Variants in ARAP2 observed in about 807,000 individuals in gnomAD.
ARAP2 encodes the protein arf-GAP with Rho-GAP domain, ANK repeat and PH domain-containing protein 2.
A neutral mutation model predicts 194.5 loss-of-function variants in ARAP2; 148 were observed. The ratio of observed to expected loss-of-function variants is 0.76; its 90% confidence interval spans 0.67 to 0.87. The LOEUF (loss-of-function observed/expected upper bound fraction) is 0.87. Among genes scored for constraint, ARAP2 ranks in the 40% least tolerant of loss-of-function variants. The pLI, the probability that ARAP2 is intolerant of heterozygous loss-of-function variation, is 0.00. For missense variants in ARAP2, 2,128 were observed against 1,989.7 expected (o/e 1.07, Z -1.32); for synonymous variants, 695 against 683.5 (o/e 1.02, Z -0.26).
At chr4:36,100,889 T>G (rs1716714427) in intron 27 of ARAP2, among the ~76,000 whole-genome samples, 1 of 152,002 alleles carries the variant, frequency 6.6e-6, no homozygotes, top group South Asian at 2.1e-4. Context: ...ATAAGCCAAG[T>G]ATGCCCCCTT....
chr4:36,054,252 C>A (rs1723139087), intron 2 of ARAP2, among the ~76,000 whole-genome samples: 1 of 152,246 alleles, frequency 6.6e-6, no homozygotes, highest in Middle Eastern at 3.4e-3. Flanking sequence ...TTTATACCCC[C>A]AAAGTTTTCT....
At chr4:36,061,186 C>A (rs1724373770), downstream of ARAP2, among the ~76,000 whole-genome samples, 1 of 152,080 alleles carries the variant, frequency 6.6e-6, no homozygotes, top group African/African-American at 2.4e-5. Context: ...GGTTATCCAT[C>A]CCCTCAAGTA....
intron 9 of ARAP2, among the ~76,000 whole-genome samples, chr4:36,011,458 G>T (rs2109309988): frequency 6.6e-6 from 1 of 152,274 alleles, no homozygotes; most frequent in East Asian, 1.9e-4. Context: ...AAATTCTACA[G>T]TAGACAAAGT....
At chr4:36,227,185 C>A (rs577018037) in intron 2 of ARAP2, among the ~76,000 whole-genome samples, 1 of 152,198 alleles carries the variant, frequency 6.6e-6, no homozygotes, top group East Asian at 1.9e-4. Flanking sequence ...GAAATTAACC[C>A]AAGGCTCAGT....
At chr4:36,193,131 T>C (rs1031924869) in intron 7 of ARAP2, among the ~76,000 whole-genome samples, 4 of 152,252 alleles carry the variant, frequency 2.6e-5, no homozygotes, top group Admixed American at 2.0e-4. Context: ...CACCTCTCTA[T>C]ATCTTCCATT....
intron 27 of ARAP2, among the ~76,000 whole-genome samples, chr4:36,099,301 C>T (rs1339632236): frequency 1.3e-5 from 2 of 152,030 alleles, no homozygotes; most frequent in African/African-American, 2.4e-5. Context: ...TCCAGTCTAT[C>T]GTTGATGAGT....
chr4:36,133,571 G>T, intron 19 of ARAP2, among the ~76,000 whole-genome samples, 182 bp from the exon 20 acceptor site: 1 of 151,632 alleles, frequency 6.6e-6, no homozygotes, highest in Admixed American at 6.6e-5. Context: ...CCATAGCATT[G>T]AGGAAGCTCT....
chr4:36,205,102 T>C (rs905837479), intron 6 of ARAP2, among the ~76,000 whole-genome samples: 4 of 151,498 alleles, frequency 2.6e-5, no homozygotes, highest in South Asian at 2.1e-4. Flanking sequence ...AATCATACTA[T>C]GCTACATTGT....
chr4:36,136,730 G>A (rs978797226), intron 19 of ARAP2, among the ~76,000 whole-genome samples: 1 of 151,506 alleles, frequency 6.6e-6, no homozygotes, highest in East Asian at 1.9e-4. Context: ...GGAAAGGTAA[G>A]TCACAGAAAG....
At chr4:36,009,793 G>GA (rs1434503921) in intron 9 of ARAP2, among the ~76,000 whole-genome samples, 1 of 81,338 alleles carries the variant, frequency 1.2e-5, no homozygotes, top group Non-Finnish European at 2.5e-5. Flanking sequence ...GATGAAAAAG[G>GA]AACTCTTCCC....
rs775311764 is a variant in ARAP2 at position 36,016,711 on chromosome 4, C to T, written n.751-753G>A. On this transcript the variant is annotated intron_variant and non_coding_transcript_variant, in intron 6 of 12. Coordinates refer to the ARAP2 transcript ENST00000503225. ...ATTTTTATACCATGATCATGCGTTA[C>T]GTTAAAAATATATTATTTCTCCATA... 4.6e-5 allele frequency among the ~76,000 whole-genome samples: 7 copies of T among 152,104 alleles called. 1 individual carries two copies. The highest frequency in any genetic ancestry group is 8.8e-5 in the Non-Finnish European group (6 of 67,996).
chr4:36,046,064 A>G (rs1379021361), exon 5 of ARAP2: 2 of 152,158 alleles, frequency 1.3e-5, no homozygotes, highest in Non-Finnish European at 2.9e-5. Context: ...TTTCTACTCT[A>G]TGTTGTCTTT....
At chr4:36,191,614 TAAAGAA>T (rs998296419) in intron 7 of ARAP2, among the ~76,000 whole-genome samples, 6 of 151,346 alleles carry the variant, frequency 4.0e-5, no homozygotes, top group African/African-American at 1.5e-4. Context: ...ATAAAGACAA[TAAAGAA>T]AAAAATACTC....
chr4:36,163,485 T>C (rs182841219), intron 11 of ARAP2, among the ~76,000 whole-genome samples: 109 of 152,262 alleles, frequency 7.2e-4, no homozygotes, highest in African/African-American at 2.5e-3. Context: ...AGTTAAAAGG[T>C]AGCTGATTAC....
intron 2 of ARAP2, among the ~76,000 whole-genome samples, chr4:36,053,540 A>G (rs1367577207): frequency 2.0e-5 from 3 of 152,186 alleles, no homozygotes; most frequent in African/African-American, 7.2e-5. Flanking sequence ...GCACTTTTCT[A>G]AAAGTGATGA....
At chr4:36,192,927 CA>C (rs1416665950) in intron 7 of ARAP2, among the ~76,000 whole-genome samples, 1 of 152,080 alleles carries the variant, frequency 6.6e-6, no homozygotes, top group Non-Finnish European at 1.5e-5. Flanking sequence ...ACCCAGAAGG[CA>C]AAGGCTGCAG....
intron 5 of ARAP2, among the ~76,000 whole-genome samples, chr4:36,040,708 TG>T (rs1720716439): frequency 2.0e-5 from 3 of 151,066 alleles, no homozygotes; most frequent in African/African-American, 7.3e-5. Flanking sequence ...GAAACTTTGC[TG>T]AAGTTTCTGC....
At chr4:36,147,246 C>T (rs372370481) in intron 19 of ARAP2, 50 bp downstream of exon 19, 106 of 1,522,688 alleles carry the variant, frequency 7.0e-5, no homozygotes, top group Middle Eastern at 1.7e-4. Context: ...AACAAAATCC[C>T]GCTGCCCAGA....
At chr4:36,165,690 A>C (rs542487752) in intron 10 of ARAP2, among the ~76,000 whole-genome samples, 39 of 152,194 alleles carry the variant, frequency 2.6e-4, no homozygotes, top group African/African-American at 9.1e-4. Context: ...CCACGTTCTG[A>C]TTTATTCTGA....
Sources: gnomAD v4.1 joint callset for allele counts (sites outside exome capture counted in the v4.1 genomes callset) on GRCh38, gnomAD v4.1.1 for gene constraint, MANE v1.5 for transcripts, NCBI Gene and HGNC (gene_info 2026-07-23, HGNC 2026-07-21) for gene names.